NIN: variants seen among roughly 807,000 people sequenced by gnomAD.
NIN encodes the protein glycogen synthase kinase 3 beta-interacting protein.
In NIN, 137 loss-of-function variants were observed where a neutral mutation model predicts 257.6. That is an observed-to-expected ratio of 0.53 (90% CI 0.46 to 0.61). The LOEUF is 0.61. Ranked by LOEUF, NIN falls within the 20% of genes least tolerant of loss-of-function variation. The pLI, the probability that NIN is intolerant of heterozygous loss-of-function variation, is 0.00. For synonymous variants in NIN, 918 were observed against 919.8 expected, an observed-to-expected ratio of 1.00 and a Z score of 0.04; for missense variants, 2,439 against 2,501.2, an observed-to-expected ratio of 0.98 and a Z score of 0.53.
At position 50,772,874 on chromosome 14, in the gene NIN, GATTA is replaced by G. The variant is rs2042788706; in HGVS notation, c.813+71_813+74del. On this transcript the variant is annotated intron_variant, in intron 8 of 30. Coordinates refer to ENST00000530997, the MANE Select transcript of NIN (RefSeq NM_020921.4). ...CCTTAGTATTTTGCTTCAGACAACA[GATTA>G]ATTTATTAGACATTACTTAAATGGG... The G allele has an allele frequency of 3.9e-6, 5 of 1,269,710 alleles. No homozygotes were observed. The East Asian group carries it at 7.0e-5, about 18-fold the overall frequency. 78.7% of individuals were successfully genotyped at this position (1,269,710 alleles called of 1,614,324 possible).
intron 3 of NIN, among the ~76,000 whole-genome samples, chr14:50,807,799 C>A (rs1266903793): frequency 6.6e-6 from 1 of 152,160 alleles, no homozygotes; most frequent in African/African-American, 2.4e-5. Flanking sequence ...CATGTCTTAT[C>A]TATGCAAATC....
In NIN at chr14:50,802,725, A is replaced by G. The variant is rs532726335; in HGVS notation, c.265+4012T>C. On this transcript the variant is annotated intron_variant, in intron 4 of 30. Coordinates refer to ENST00000530997, the MANE Select transcript of NIN (RefSeq NM_020921.4). ...AGGATTTTATGTATTTTTTCAGCAC[A>G]ACCACTTTCACATACAAGGTGACCA... is the stretch of plus-strand genomic sequence containing the variant. Among the ~76,000 whole-genome samples, 445 of 152,324 alleles carry G rather than the reference A, an allele frequency of 2.9e-3. 2 individuals are homozygous for G. The highest frequency in any genetic ancestry group is 4.6e-3 in the Non-Finnish European group (313 of 68,022).
chr14:50,736,893 G>C lies in NIN; in HGVS notation c.5775+1247C>G, dbSNP rs553511855. On this transcript the variant is annotated intron_variant, in intron 27 of 30. Coordinates refer to ENST00000530997, the MANE Select transcript of NIN (RefSeq NM_020921.4). The stretch of plus-strand genomic sequence containing the variant: ...AGGTAATAGTGAAAACTGAGTTTCA[G>C]TTTAGAAAAAGAAAAGTAACAACTC... 3.9e-5 allele frequency among the ~76,000 whole-genome samples: 6 copies of C among 152,066 alleles called. No individual in the cohort carries two copies. In the South Asian group the frequency reaches 6.3e-4, roughly 16 times the overall value.
intron 27 of NIN, among the ~76,000 whole-genome samples, chr14:50,737,680 C>G (rs1293278480): frequency 2.8e-5 from 4 of 143,094 alleles, no homozygotes; most frequent in Non-Finnish European, 6.0e-5. Context: ...GAGTCTCACT[C>G]TGTTACCCAG....
chr14:50,744,462 T>C, intron 22 of NIN, 97 bp from the exon 23 acceptor site: 2 of 1,304,452 alleles, frequency 1.5e-6, no homozygotes, highest in Non-Finnish European at 2.1e-6. Flanking sequence ...CTGCTGCTAT[T>C]TGCCTATCTG....
Position 50,748,093 on chromosome 14 carries a change from C to T in NIN, c.4963G>A (p.Val1655Met), listed in dbSNP as rs765711770. 1.9e-6 allele frequency: 3 copies of T among 1,611,414 alleles called. No individual in the cohort carries two copies. The highest frequency in any genetic ancestry group is 2.2e-5 in the East Asian group (1 of 44,870). Residue 1655 changes from valine (V) to methionine (M), a missense_variant, in exon 22 of 31, where the codon GTG (valine) becomes ATG (methionine). This residue lies in a region of NIN where 2,043 missense variants were observed against 2,050.2 expected (regional missense o/e 1.00). Transcript: ENST00000530997. ...GAGAGCTCCGCCTCCAGAGAAGACACTAAAGTGGAGGACTAAGAGAAAAAT... is the reference window on the plus strand; with the variant it reads ...GAGAGCTCCGCCTCCAGAGAAGACATTAAAGTGGAGGACTAAGAGAAAAAT... ...ERCKVQSSTLVSSLEAELSEV... is the reference protein window; with the variant it reads ...ERCKVQSSTLMSSLEAELSEV...
At chr14:50,823,440 A>C in intron 2 of NIN, 1 of 324,508 alleles carries the variant, frequency 3.1e-6, no homozygotes, top group South Asian at 2.8e-5. Context: ...AGATCATTAC[A>C]ACATGAAAAA....
rs575109888 is a variant in NIN, at chr14:50,825,346, C to A, written c.-21-3269G>T. 8.5e-5 allele frequency among the ~76,000 whole-genome samples: 13 copies of A among 152,312 alleles called. No homozygotes were observed. The East Asian group carries it at 2.5e-3, about 29-fold the overall frequency. On this transcript the variant is annotated intron_variant, in intron 2 of 30. Coordinates refer to ENST00000530997, the MANE Select transcript of NIN (RefSeq NM_020921.4). The stretch of plus-strand genomic sequence containing the variant: ...TCATTATATAACTAAATGATAATGG[C>A]AGCAGGTAATGTTCAGAGCTTCCTC...
intron 30 of NIN, 142 bp downstream of exon 30, chr14:50,725,811 C>T: frequency 6.7e-7 from 1 of 1,487,080 alleles, no homozygotes; most frequent in Non-Finnish European, 9.1e-7. Context: ...ATAGCAAATC[C>T]TAAGTTCTTA....
intron 30 of NIN, among the ~76,000 whole-genome samples, chr14:50,725,087 G>C (rs1296347526): frequency 6.6e-6 from 1 of 152,188 alleles, no homozygotes; most frequent in East Asian, 1.9e-4. Context: ...GAACTGAATG[G>C]ATAAATGCTC....
chr14:50,806,688 C>A, intron 4 of NIN, 49 bp downstream of exon 4: 1 of 1,020,890 alleles, frequency 9.8e-7, no homozygotes, highest in South Asian at 1.4e-5. Context: ...GATTCTTCCC[C>A]GGACAACTTT....
chr14:50,770,750 C>A, intron 11 of NIN, 102 bp downstream of exon 11: 1 of 1,429,966 alleles, frequency 7.0e-7, no homozygotes, highest in Non-Finnish European at 9.4e-7. Context: ...AACAGGCTGA[C>A]CAGAAGAGTC....
intron 21 of NIN, among the ~76,000 whole-genome samples, chr14:50,750,954 G>T (rs951736740): frequency 2.6e-5 from 4 of 151,720 alleles, no homozygotes; most frequent in African/African-American, 4.8e-5. Context: ...TGTTTCTTTT[G>T]CACAAATGAG....
chr14:50,825,751 C>T (rs2045429168), intron 2 of NIN, among the ~76,000 whole-genome samples: 1 of 152,226 alleles, frequency 6.6e-6, no homozygotes, highest in African/African-American at 2.4e-5. Context: ...CTTATCTCCA[C>T]CTTTATGTGT....
In NIN at chr14:50,758,596, A is replaced by C. The variant is rs777729938; in HGVS notation, c.2434T>G (p.Ser812Ala). The change falls in exon 18 of 31, where the codon TCT becomes GCT. Residue 812 changes from serine to alanine, a missense_variant. Ser to Ala is a moderately conservative substitution (Grantham distance 99). Around this residue, in one of 3 missense-constraint regions of NIN, gnomAD observed 2,043 missense variants for 2,050.2 expected, o/e 1.00. Coordinates refer to ENST00000530997, the MANE Select transcript of NIN (RefSeq NM_020921.4). ...GACTGAAACTGGGCTTCTATTTGAG[A>C]GGTTCTTCTATTACACTCTGTTTCC... ...KMETECNRRT[S>A]QIEAQFQSDC... is the part of the protein sequence containing the mutation. 3 of 1,593,264 alleles carry C rather than the reference A, an allele frequency of 1.9e-6. No individual in the cohort carries two copies. The Admixed American group carries it at 5.5e-5, about 29-fold the overall frequency.
Position 50,757,498 on chromosome 14 carries a change from C to G in NIN, c.3532G>C (p.Glu1178Gln). ...CTGTTTTCAAGCTCAGAAAAACCCT[C>G]TACTGAAGCTTCAGACTCCTCTATT... ...VKIEESEASV[E>Q]GFSELENSEE... The change falls in exon 18 of 31, where the codon GAG (glutamate) becomes CAG (glutamine). Residue 1178 changes from glutamate to glutamine, a missense_variant. Transcript: ENST00000530997. 1 of 1,614,078 alleles carries G rather than the reference C, an allele frequency of 6.2e-7. No individual in the cohort carries two copies. Among genetic ancestry groups the G allele is most frequent in the Non-Finnish European group, 8.5e-7 (1 of 1,180,006 alleles).
chr14:50,731,050 G>A (rs1257592869), intron 28 of NIN: 2 of 703,930 alleles, frequency 2.8e-6, no homozygotes, highest in African/African-American at 3.7e-5. Flanking sequence ...AGAAAAGTAT[G>A]AGTAATAAAA....
chr14:50,727,603 A>G, intron 29 of NIN: 1 of 1,416,962 alleles, frequency 7.1e-7, no homozygotes, highest in Non-Finnish European at 9.5e-7. Flanking sequence ...ATCTTAGCTT[A>G]TGTCTCTGTG....
intron 25 of NIN, among the ~76,000 whole-genome samples, chr14:50,740,473 C>G (rs769468794): frequency 6.6e-6 from 1 of 152,152 alleles, no homozygotes; most frequent in Non-Finnish European, 1.5e-5. Flanking sequence ...CTTAGCCTCC[C>G]GAGTAGCTGG....
Sources: gnomAD v4.1 joint callset for allele counts (sites outside exome capture counted in the v4.1 genomes callset) on GRCh38, gnomAD v4.1.1 for gene constraint, gnomAD v4.1.1 regional missense constraint, MANE v1.5 for transcripts, NCBI Gene and HGNC (gene_info 2026-07-23, HGNC 2026-07-21) for gene names.